Variants in PLCD3 observed in about 807,000 individuals in gnomAD.
PLCD3 encodes the protein phospholipase C delta 3.
A neutral mutation model predicts 82.8 loss-of-function variants in PLCD3; 62 were observed. That is an observed-to-expected ratio of 0.75 (90% CI 0.61 to 0.93). The LOEUF (loss-of-function observed/expected upper bound fraction) is 0.93. PLCD3 is among the 40% of genes least tolerant of loss of function. The pLI is 0.00. For missense variants in PLCD3, 1,023 were observed against 1,103.4 expected (o/e 0.93, Z 1.03); for synonymous variants, 478 against 471.8 (o/e 1.01, Z -0.17).
chr17:45,117,898 T>C lies in PLCD3; in HGVS notation c.1260+96A>G, dbSNP rs1598030127. The stretch of plus-strand genomic sequence containing the variant: ...GAATGAATGATTCTCTGGGCAAGGG[T>C]TTCCTCTGGAAGGACGGAGGGCAGC... On this transcript the variant is annotated intron_variant, in intron 7 of 14. Coordinates refer to ENST00000619929, the MANE Select transcript of PLCD3 (RefSeq NM_133373.5). 3 of 1,482,748 alleles carry C rather than the reference T, an allele frequency of 2.0e-6. No homozygotes were observed. The Middle Eastern group carries it at 5.7e-4, about 282-fold the overall frequency. 91.8% of individuals were successfully genotyped at this position (1,482,748 alleles called of 1,614,324 possible).
intron 11 of PLCD3, 59 bp from the exon 12 acceptor site, chr17:45,113,664 T>C: frequency 1.3e-6 from 2 of 1,528,972 alleles, no homozygotes; most frequent in Non-Finnish European, 1.8e-6. Context: ...CACTACTCAG[T>C]TTCAGGGGAC....
chr17:45,114,639 A>C (rs952795270), intron 10 of PLCD3, among the ~76,000 whole-genome samples: 3 of 152,044 alleles, frequency 2.0e-5, no homozygotes, highest in African/African-American at 7.2e-5. Flanking sequence ...ACGGCCCTCC[A>C]GCTCCACTGT....
intron 8 of PLCD3, among the ~76,000 whole-genome samples, chr17:45,115,765 C>T (rs1018250209): frequency 6.6e-6 from 1 of 152,236 alleles, no homozygotes; most frequent in Non-Finnish European, 1.5e-5. Context: ...GAAAGGGACC[C>T]TCTTCAAAGA....
intron 4 of PLCD3, 49 bp downstream of exon 4, chr17:45,120,276 G>A (rs757730407): frequency 1.7e-5 from 27 of 1,611,790 alleles, no homozygotes; most frequent in Middle Eastern, 1.6e-4. Context: ...GCAGGCAGAG[G>A]TCAGAGTGAT....
Position 45,118,305 on chromosome 17 carries a change from G to A in PLCD3, c.1101C>T (p.Thr367=), listed in dbSNP as rs368561999. ...TGCTACAGTACCTAACATAGGCCTC[G>A]GTGCTGCTGGGCCCCCCGATCTGGG... The part of the protein sequence containing the change: ...TDSQIGGPSS[T]EAYVRAFAQG... Residue 367 remains threonine (T), a synonymous_variant, in exon 6 of 15, where the codon ACC becomes ACT. Transcript: ENST00000619929. This position sits in a 1 kb window ranked among gnomAD's most constrained non-coding sequence, Gnocchi z 4.1. 6.5e-5 allele frequency: 105 copies of A among 1,613,908 alleles called. No homozygotes were observed. The highest frequency in any genetic ancestry group is 8.3e-5 in the Non-Finnish European group (98 of 1,179,902).
Position 45,118,608 on chromosome 17 carries a change from AC to A in PLCD3, c.914-117del. 8.0e-7 allele frequency: 1 copy of A among 1,252,148 alleles called. No individual in the cohort carries two copies. Among genetic ancestry groups the A allele is most frequent in the Non-Finnish European group, 1.1e-6 (1 of 893,840 alleles). The allele number at this position is 1,252,148 out of a possible 1,614,324, so 77.6% of individuals were successfully genotyped here. Reference sequence around the variant, plus strand: ...AATGACTAGACAATCTACTGACTAGACTCCATGTAAGTCATGCCACTTAACC... The same window carrying A: ...AATGACTAGACAATCTACTGACTAGATCCATGTAAGTCATGCCACTTAACC... On this transcript the variant is annotated intron_variant, in intron 5 of 14. Transcript: ENST00000619929. This position sits in a 1 kb window ranked among gnomAD's most constrained non-coding sequence, Gnocchi z 4.1.
At chr17:45,120,480 A>G in intron 3 of PLCD3, 26 bp from the exon 4 acceptor site, 1 of 1,613,584 alleles carries the variant, frequency 6.2e-7, no homozygotes, top group Non-Finnish European at 8.5e-7. Flanking sequence ...AAATAACAGC[A>G]ACACGCCAGG....
intron 1 of PLCD3, among the ~76,000 whole-genome samples, chr17:45,125,812 A>T (rs1000953776): frequency 2.6e-5 from 4 of 152,216 alleles, no homozygotes; most frequent in African/African-American, 9.7e-5. Context: ...CATGTGAGGT[A>T]CCCAGAGCGG....
chr17:45,117,941 C>A (rs568147771), intron 7 of PLCD3, 53 bp downstream of exon 7: 3 of 1,600,870 alleles, frequency 1.9e-6, no homozygotes, highest in Middle Eastern at 3.3e-4. Flanking sequence ...TGAGTGCGGA[C>A]GGAGGTCATT....
At chr17:45,122,730 C>T (rs2054351315) in intron 1 of PLCD3, among the ~76,000 whole-genome samples, 1 of 152,162 alleles carries the variant, frequency 6.6e-6, no homozygotes, top group Non-Finnish European at 1.5e-5. Context: ...CGGAGAGTTT[C>T]GGCCCTCTCC....
chr17:45,123,542 G>T (rs2054357639), intron 1 of PLCD3, among the ~76,000 whole-genome samples: 1 of 152,168 alleles, frequency 6.6e-6, no homozygotes, highest in Non-Finnish European at 1.5e-5. Flanking sequence ...CATCTGTCCA[G>T]AGTTCAGGAC....
In PLCD3 at chr17:45,117,941, C is replaced by T. The variant is rs568147771; in HGVS notation, c.1260+53G>A. ...AGGGCAGCTGGCATGTGAGTGCGGA[C>T]GGAGGTCATTGGGAAGGCTGTGGGG... is the stretch of plus-strand genomic sequence containing the variant. On this transcript the variant is annotated intron_variant, in intron 7 of 14. Transcript: ENST00000619929. The T allele has an allele frequency of 7.3e-5, 117 of 1,600,990 alleles. 2 individuals are homozygous for T. The South Asian group carries it at 9.3e-4, about 13-fold the overall frequency.
In PLCD3 at chr17:45,116,648, T is replaced by G. The variant is rs1163258936; in HGVS notation, c.1397A>C (p.Glu466Ala). ...TQALDSPNPE[E>A]LPSPEQLKGR... The stretch of plus-strand genomic sequence containing the variant: ...GGGCGTCACCTCTGGGGATGGCAGC[T>G]CCTCGGGATTTGGGGAGTCCAGCGC... The change falls in exon 8 of 15, where the codon GAG (glutamate) becomes GCG (alanine). Residue 466 changes from glutamate (E) to alanine (A), a missense_variant. Glu to Ala is a moderately radical substitution (Grantham distance 107). Coordinates refer to ENST00000619929, the MANE Select transcript of PLCD3 (RefSeq NM_133373.5). 1 of 1,597,454 alleles carries G rather than the reference T, an allele frequency of 6.3e-7. No homozygotes were observed. Among genetic ancestry groups the G allele is most frequent in the East Asian group, 2.3e-5 (1 of 43,658 alleles).
chr17:45,119,142 C>T, intron 4 of PLCD3, 99 bp from the exon 5 acceptor site: 1 of 871,008 alleles, frequency 1.1e-6, no homozygotes, highest in Non-Finnish European at 1.7e-6. Flanking sequence ...AGGCAATGGT[C>T]CCCATTTCAC....
intron 1 of PLCD3, among the ~76,000 whole-genome samples, chr17:45,129,976 CA>C (rs1274187219): frequency 6.6e-6 from 1 of 152,168 alleles, no homozygotes; most frequent in African/African-American, 2.4e-5. Flanking sequence ...ATGGCAGGGG[CA>C]GAGCGAGGCG....
intron 1 of PLCD3, among the ~76,000 whole-genome samples, chr17:45,121,959 C>CAA (rs112126121): frequency 0.48 from 65,990 of 136,902 alleles, 14,968 homozygotes; most frequent in South Asian, 0.53. Flanking sequence ...TGCGTCTTAA[C>CAA]AAAAAAAAAA....
At position 45,113,192 on chromosome 17, in the gene PLCD3, C is replaced by G; in HGVS notation, c.2061G>C (p.Leu687=). Residue 687 remains leucine (L), a synonymous_variant, in exon 13 of 15, where the codon CTG becomes CTC. Coordinates refer to ENST00000619929, the MANE Select transcript of PLCD3 (RefSeq NM_133373.5). ...GCACCCCATGGATCTCAATGCGCAC[C>G]AGGGGGTCCACAATGGAGTGTGGCT... The part of the protein sequence containing the change: ...AEKPHSIVDP[L]VRIEIHGVPA... 6.2e-7 allele frequency: 1 copy of G among 1,612,008 alleles called. No homozygotes were observed. Among genetic ancestry groups the G allele is most frequent in the South Asian group, 1.1e-5 (1 of 90,576 alleles).
intron 1 of PLCD3, among the ~76,000 whole-genome samples, chr17:45,127,808 G>T (rs2054392350): frequency 5.3e-5 from 2 of 37,732 alleles, no homozygotes; most frequent in South Asian, 1.7e-3. Context: ...GTGTGAGTGT[G>T]TGCGTGTGAG....
In PLCD3 at chr17:45,111,216, A is replaced by C. The variant is rs2054239241; in HGVS notation, c.*1400T>G. ...AGCAGCGTTTCCAGCCTTTGTGTAA[A>C]AGGCTGGCTGGCTGGAGGAAGGGAA... On this transcript the variant is annotated 3_prime_UTR_variant, in exon 15 of 15. Coordinates refer to ENST00000619929, the MANE Select transcript of PLCD3 (RefSeq NM_133373.5). The C allele has an allele frequency of 6.6e-6, 1 of 152,122 alleles. No individual in the cohort carries two copies. Among genetic ancestry groups the C allele is most frequent in the Non-Finnish European group, 1.5e-5 (1 of 68,028 alleles). The allele number at this position is 152,122 out of a possible 1,614,324, so 9.4% of individuals were successfully genotyped here. A position where few individuals can be genotyped will look rare whatever the true frequency, so the allele number is the denominator to read the frequency against.
Sources: allele counts gnomAD v4.1 joint callset (sites outside exome capture counted in the v4.1 genomes callset), GRCh38; gene constraint gnomAD v4.1.1; non-coding constraint Gnocchi (gnomAD v3.1); transcripts MANE v1.5; gene names NCBI Gene and HGNC (gene_info 2026-07-23, HGNC 2026-07-21).